The following GAK variants were observed in gnomAD, a reference collection of about 807,000 sequenced individuals.
GAK encodes the protein cyclin G associated kinase, also known as cyclin-G-associated kinase.
A neutral mutation model predicts 143.9 loss-of-function variants in GAK; 79 were observed. That is an observed-to-expected ratio of 0.55 (90% CI 0.46 to 0.66). The LOEUF (loss-of-function observed/expected upper bound fraction) is 0.66. Among genes scored for constraint, GAK ranks in the 30% least tolerant of loss-of-function variants. GAK has a pLI of 0.00. For synonymous variants in GAK, 881 were observed against 765.5 expected (o/e 1.15, Z -2.49); for missense variants, 1,693 against 1,779.7 (o/e 0.95, Z 0.88).
intron 5 of GAK, among the ~76,000 whole-genome samples, chr4:903,639 C>CGGGGGGCTG (rs1560404776): frequency 1.4e-5 from 2 of 144,894 alleles, no homozygotes; most frequent in African/African-American, 5.2e-5. Context: ...CTGACACCAC[C>CGGGGGGCTG]AGGGGACTGA....
intron 9 of GAK, among the ~76,000 whole-genome samples, chr4:891,423 T>C (rs997015942): frequency 6.6e-6 from 1 of 152,178 alleles, no homozygotes; most frequent in South Asian, 2.1e-4. Flanking sequence ...CTTCAGCTCC[T>C]GGGTTCTGGG....
chr4:863,038 C>T (rs1382854709), intron 23 of GAK, among the ~76,000 whole-genome samples: 2 of 152,250 alleles, frequency 1.3e-5, no homozygotes, highest in East Asian at 3.8e-4. Context: ...AGTTCACTGA[C>T]AACCTTCTGG....
At chr4:884,496 G>A (rs770346098) in intron 11 of GAK, 36 of 196,268 alleles carry the variant, frequency 1.8e-4, no homozygotes, top group South Asian at 3.3e-4. Flanking sequence ...GGCTCCACGC[G>A]CTGCCCAGGC....
chr4:868,580 C>T lies in GAK; in HGVS notation c.2354G>A (p.Ser785Asn). The T allele has an allele frequency of 6.2e-7, 1 of 1,606,174 alleles. No individual in the cohort carries two copies. Among genetic ancestry groups the T allele is most frequent in the Non-Finnish European group, 8.5e-7 (1 of 1,176,806 alleles). Residue 785 changes from serine to asparagine, a missense_variant, in exon 20 of 28, where the codon AGC becomes AAC. Physicochemically the swap from Ser to Asn is conservative, Grantham distance 46. Coordinates refer to ENST00000314167, the MANE Select transcript of GAK (RefSeq NM_005255.4). Reference sequence around the variant, plus strand: ...GTGCAGGAAGCGACTGGCGTCCGCGCTGCTGCTTGGCGGTGAGTCAGAGTC... The same window carrying T: ...GTGCAGGAAGCGACTGGCGTCCGCGTTGCTGCTTGGCGGTGAGTCAGAGTC... ...PTDSDSPPSS[S>N]ADASRFLHTL... is the part of the protein sequence containing the mutation.
chr4:882,130 C>T, intron 14 of GAK, 90 bp from the exon 15 acceptor site: 2 of 1,393,378 alleles, frequency 1.4e-6, no homozygotes, highest in Non-Finnish European at 1.9e-6. Context: ...CACCCTGTGG[C>T]TGCAGGGACG....
At position 867,397 on chromosome 4, in the gene GAK, A is replaced by T; in HGVS notation, c.2431T>A (p.Ser811Thr). Reference sequence around the variant, plus strand: ...AGGGCAGACTCGCTCTCCTTGGAAGAGGCATTTTCTGCACCAGTCTCTGCC... The same window carrying T: ...AGGGCAGACTCGCTCTCCTTGGAAGTGGCATTTTCTGCACCAGTCTCTGCC... ...KEAETGAENA[S>T]SKESESALME... The change falls in exon 21 of 28, where the codon TCT (serine) becomes ACT (threonine). Residue 811 changes from serine (S) to threonine (T), a missense_variant. Physicochemically the swap from Ser to Thr is moderately conservative, Grantham distance 58 (BLOSUM62 1). Around this residue, in one of 2 missense-constraint regions of GAK, gnomAD observed 822 missense variants for 788.7 expected, o/e 1.04. Coordinates refer to ENST00000314167, the MANE Select transcript of GAK (RefSeq NM_005255.4). 1.3e-6 allele frequency: 2 copies of T among 1,545,662 alleles called. No individual in the cohort carries two copies. The highest frequency in any genetic ancestry group is 1.2e-5 in the South Asian group (1 of 81,602).
chr4:884,041 A>C lies in GAK; in HGVS notation c.1251T>G (p.Ile417Met). The C allele has an allele frequency of 6.2e-7, 1 of 1,613,756 alleles. No homozygotes were observed. Among genetic ancestry groups the C allele is most frequent in the Non-Finnish European group, 8.5e-7 (1 of 1,179,800 alleles). The change falls in exon 12 of 28, where the codon ATT (isoleucine) becomes ATG (methionine). Residue 417 changes from isoleucine (I) to methionine (M), a missense_variant. By Grantham distance (10) the Ile-to-Met change is conservative (BLOSUM62 1). Around this residue, in one of 2 missense-constraint regions of GAK, gnomAD observed 871 missense variants for 991.0 expected, o/e 0.88. Transcript: ENST00000314167. ...DLDISYITSRIAVMSFPAEGV... is the reference protein window; with the variant it reads ...DLDISYITSRMAVMSFPAEGV... ...AGCCTCATGTGGCACGCATACCTGC[A>C]ATTCTGGATGTGATGTAAGATATGT...
intron 23 of GAK, among the ~76,000 whole-genome samples, chr4:863,625 A>G (rs1025860035): frequency 6.6e-6 from 1 of 152,266 alleles, no homozygotes; most frequent in African/African-American, 2.4e-5. Context: ...ACATTGAGGC[A>G]AGACCCCCAC....
intron 9 of GAK, 68 bp downstream of exon 9, chr4:893,309 G>C: frequency 1.7e-6 from 2 of 1,171,048 alleles, no homozygotes; most frequent in Non-Finnish European, 2.4e-6. Flanking sequence ...CTCTGCGGGG[G>C]ATCTGGGGCT....
At chr4:928,217 C>G (rs1725153451) in intron 1 of GAK, among the ~76,000 whole-genome samples, 2 of 152,310 alleles carry the variant, frequency 1.3e-5, no homozygotes, top group South Asian at 4.1e-4. Flanking sequence ...GCCACCATGC[C>G]CAGCTAGTTT....
chr4:871,441 C>T (rs1049894527), intron 18 of GAK, among the ~76,000 whole-genome samples: 2 of 152,250 alleles, frequency 1.3e-5, no homozygotes, highest in African/African-American at 2.4e-5. Context: ...AAAATGACGA[C>T]GTCCGCCCTG....
chr4:855,632 G>C (rs1478141235), intron 24 of GAK, among the ~76,000 whole-genome samples: 2 of 152,208 alleles, frequency 1.3e-5, no homozygotes, highest in East Asian at 1.9e-4. Flanking sequence ...GTGGAGAAAA[G>C]ACACTCCTGC....
chr4:871,531 T>C (rs1417415367), intron 18 of GAK, among the ~76,000 whole-genome samples: 2 of 152,228 alleles, frequency 1.3e-5, no homozygotes, highest in African/African-American at 4.8e-5. Context: ...GGGAACATGA[T>C]TCCGGGGGAA....
At chr4:908,418 C>T (rs1174314905) in intron 4 of GAK, among the ~76,000 whole-genome samples, 1 of 152,180 alleles carries the variant, frequency 6.6e-6, no homozygotes, top group African/African-American at 2.4e-5. Context: ...ATCCCAGCGC[C>T]TCAGGAGGCC....
intron 16 of GAK, 29 bp downstream of exon 16, chr4:877,586 G>A: frequency 6.5e-7 from 1 of 1,542,162 alleles, no homozygotes; most frequent in Non-Finnish European, 8.8e-7. Flanking sequence ...GGAGGAGGGA[G>A]CACAGCGTGG....
chr4:916,574 T>C (rs919603784), intron 1 of GAK, among the ~76,000 whole-genome samples: 4 of 152,200 alleles, frequency 2.6e-5, no homozygotes, highest in African/African-American at 9.7e-5. Flanking sequence ...TCACCAAAGA[T>C]ATACTTGTGA....
rs777619484 is a variant in GAK at position 904,721 on chromosome 4, C to T, written c.441G>A (p.Thr147=). 1.7e-5 allele frequency: 28 copies of T among 1,614,010 alleles called. No individual in the cohort carries two copies. The highest frequency in any genetic ancestry group is 3.3e-4 in the Middle Eastern group (2 of 6,080). ...MESRGPLSCD[T]VLKIFYQTCR... is the part of the protein sequence containing the mutation. Reference sequence around the variant, plus strand: ...ACGTCTGGTAGAAGATCTTCAGAACCGTGTCGCACGAAAGGGGGCCTCGAG... The same window carrying T: ...ACGTCTGGTAGAAGATCTTCAGAACTGTGTCGCACGAAAGGGGGCCTCGAG... Residue 147 remains threonine (T), a synonymous_variant, in exon 5 of 28, where the codon ACG becomes ACA. Transcript: ENST00000314167.
At chr4:849,797 G>A (rs1577014568) in intron 27 of GAK, 23 bp from the exon 28 acceptor site, 3 of 1,599,676 alleles carry the variant, frequency 1.9e-6, no homozygotes, top group Middle Eastern at 1.7e-4. Flanking sequence ...GGCGGTGTAA[G>A]CGCCTCTTAT....
intron 11 of GAK, chr4:885,685 G>T (rs904936624): frequency 6.6e-6 from 1 of 152,236 alleles, no homozygotes; most frequent in Non-Finnish European, 1.5e-5. Context: ...GGGCAGCCAG[G>T]GGCTCATGGC....
Sources: gnomAD v4.1 joint callset for allele counts (sites outside exome capture counted in the v4.1 genomes callset) on GRCh38, gnomAD v4.1.1 for gene constraint, gnomAD v4.1.1 regional missense constraint, MANE v1.5 for transcripts, NCBI Gene and HGNC (gene_info 2026-07-23, HGNC 2026-07-21) for gene names.